Variants in FGF12 observed in about 807,000 individuals in gnomAD.
FGF12 encodes the protein fibroblast growth factor 12.
Under a neutral mutation model 23.6 loss-of-function variants are expected in FGF12, and 14 were observed. The observed-to-expected ratio is 0.59, with a 90% CI of 0.39 to 0.93. FGF12 has a LOEUF of 0.93. Ranked by LOEUF, FGF12 falls within the 40% of genes least tolerant of loss-of-function variation. FGF12 has a pLI of 0.00. For synonymous variants in FGF12, 62 were observed against 77.3 expected, an observed-to-expected ratio of 0.80 and a Z score of 1.04; for missense variants, 175 against 217.8, an observed-to-expected ratio of 0.80 and a Z score of 1.24.
intron 2 of FGF12, among the ~76,000 whole-genome samples, chr3:192,400,660 C>A (rs1056579370): frequency 6.6e-6 from 1 of 152,178 alleles, no homozygotes; most frequent in Non-Finnish European, 1.5e-5. Context: ...AACCACCGCA[C>A]CCCGTCCCCA....
At chr3:192,410,238 G>T (rs139624616) in intron 2 of FGF12, among the ~76,000 whole-genome samples, 1 of 152,272 alleles carries the variant, frequency 6.6e-6, no homozygotes, top group Non-Finnish European at 1.5e-5. Flanking sequence ...GGAGCCCTCC[G>T]CTTCCAGACT....
chr3:192,349,859 GT>G lies in FGF12; in HGVS notation c.124+10568del, dbSNP rs199924850. 1.0e-3 allele frequency among the ~76,000 whole-genome samples: 152 copies of G among 152,154 alleles called. 3 individuals carry two copies. The East Asian group carries it at 0.026, about 26-fold the overall frequency. On this transcript the variant is annotated intron_variant, in intron 3 of 5. Coordinates refer to ENST00000445105, the MANE Select transcript of FGF12 (RefSeq NM_004113.6). Reference sequence around the variant, plus strand: ...CAAAGTCATATTCATTTTTGATGGGGTTGTTCTGTGAATTCACTTTCATTCA... The same window carrying G: ...CAAAGTCATATTCATTTTTGATGGGGTGTTCTGTGAATTCACTTTCATTCA...
At chr3:192,499,376 C>T (rs1377113727) in intron 2 of FGF12, among the ~76,000 whole-genome samples, 4 of 150,770 alleles carry the variant, frequency 2.7e-5, no homozygotes, top group Non-Finnish European at 5.9e-5. Flanking sequence ...ATTCAAAGAT[C>T]CAGCCACTTT....
rs140620016 is a variant in FGF12 at position 192,279,265 on chromosome 3, T to G, written c.228+56096A>C. Among the ~76,000 whole-genome samples, 376 of 148,962 alleles carry G rather than the reference T, an allele frequency of 2.5e-3. 5 individuals carry two copies. Among genetic ancestry groups the G allele is most frequent in the African/African-American group, 9.2e-3 (366 of 39,864 alleles). ...ATATATATATATATAAAATGTACATTCCCATAGAGAACTTTATTTAACCTA... is the reference window on the plus strand; with the variant it reads ...ATATATATATATATAAAATGTACATGCCCATAGAGAACTTTATTTAACCTA... On this transcript the variant is annotated intron_variant, in intron 4 of 5. Coordinates refer to ENST00000445105, the MANE Select transcript of FGF12 (RefSeq NM_004113.6).
At chr3:192,312,265 G>C (rs1715988241) in intron 4 of FGF12, among the ~76,000 whole-genome samples, 1 of 151,974 alleles carries the variant, frequency 6.6e-6, no homozygotes, top group Non-Finnish European at 1.5e-5. Flanking sequence ...TTACTCCTAT[G>C]CTTTCTTCCA....
At chr3:192,227,371 T>C (rs531724543) in intron 4 of FGF12, among the ~76,000 whole-genome samples, 1 of 152,206 alleles carries the variant, frequency 6.6e-6, no homozygotes, top group East Asian at 1.9e-4. Context: ...TTATGAGATA[T>C]CCTTTCCTTT....
At chr3:192,714,513 A>ATTTTTTTTTTTTTTTTTTTTTTTTTTTTT (rs770781442) in intron 2 of FGF12, among the ~76,000 whole-genome samples, 1 of 99,754 alleles carries the variant, frequency 1.0e-5, no homozygotes, top group East Asian at 3.2e-4. Flanking sequence ...TAAGGAAATA[A>ATTTTTTTTTTTTTTTTTTTTTTTTTTTTT]TTTTTTTTTT....
intron 4 of FGF12, among the ~76,000 whole-genome samples, chr3:192,287,779 AT>A (rs779219778): frequency 2.0e-5 from 3 of 152,060 alleles, no homozygotes; most frequent in Non-Finnish European, 4.4e-5. Context: ...CATCTGGATC[AT>A]TTGCTTTTGA....
At chr3:192,279,916 A>G (rs777973106) in intron 4 of FGF12, among the ~76,000 whole-genome samples, 1 of 152,226 alleles carries the variant, frequency 6.6e-6, no homozygotes, top group Non-Finnish European at 1.5e-5. Flanking sequence ...GCTAATGCAT[A>G]TTAAATTATG....
intron 2 of FGF12, among the ~76,000 whole-genome samples, chr3:192,461,404 C>G (rs539324102): frequency 6.6e-6 from 1 of 152,082 alleles, no homozygotes. Context: ...AGAACATACC[C>G]AAATTAGGTT....
chr3:192,486,459 T>C (rs1313148518), intron 2 of FGF12, among the ~76,000 whole-genome samples: 2 of 151,998 alleles, frequency 1.3e-5, no homozygotes, highest in Non-Finnish European at 2.9e-5. Flanking sequence ...ATGAGCCATG[T>C]AAAAACAAAG....
intron 2 of FGF12, among the ~76,000 whole-genome samples, chr3:192,559,235 C>T (rs1711912885): frequency 6.6e-6 from 1 of 151,902 alleles, no homozygotes; most frequent in South Asian, 2.1e-4. Context: ...TAAAGACCCC[C>T]TTCAACTCAA....
At chr3:192,489,263 C>T (rs1723728717) in intron 2 of FGF12, among the ~76,000 whole-genome samples, 1 of 151,658 alleles carries the variant, frequency 6.6e-6, no homozygotes, top group Admixed American at 6.6e-5. Flanking sequence ...AGTGAGTTTC[C>T]CATCATCAAA....
chr3:192,254,160 C>T (rs929472448), intron 4 of FGF12, among the ~76,000 whole-genome samples: 1 of 151,790 alleles, frequency 6.6e-6, no homozygotes, highest in East Asian at 1.9e-4. Context: ...TATCCTTTGA[C>T]CAATATCTCC....
At chr3:192,317,592 A>T (rs1716296929) in intron 4 of FGF12, among the ~76,000 whole-genome samples, 1 of 152,018 alleles carries the variant, frequency 6.6e-6, no homozygotes, top group African/African-American at 2.4e-5. Flanking sequence ...CAAGATTCAT[A>T]AGGTTCTCAA....
intron 2 of FGF12, among the ~76,000 whole-genome samples, chr3:192,397,648 C>G (rs894264603): frequency 2.0e-5 from 3 of 152,120 alleles, no homozygotes; most frequent in African/African-American, 4.8e-5. Flanking sequence ...ATGAATGAAC[C>G]TTTTCTGTTG....
At position 192,408,549 on chromosome 3, in the gene FGF12, G is replaced by C; in HGVS notation, c.14-48011C>G. Reference sequence around the variant, plus strand: ...CCCCAAGGCGATCGGCGTCCAAGGGGCAGTGGGGAGTTTAGTCACACTGCG... The same window carrying C: ...CCCCAAGGCGATCGGCGTCCAAGGGCCAGTGGGGAGTTTAGTCACACTGCG... On this transcript the variant is annotated intron_variant, in intron 2 of 5. Coordinates refer to ENST00000445105, the MANE Select transcript of FGF12 (RefSeq NM_004113.6). The surrounding 1 kb of genome is among the most constrained non-coding windows in gnomAD (Gnocchi z 7.3). 1 of 1,160,442 alleles carries C rather than the reference G, an allele frequency of 8.6e-7. No homozygotes were observed. Among genetic ancestry groups the C allele is most frequent in the Non-Finnish European group, 1.1e-6 (1 of 939,684 alleles). The allele number at this position is 1,160,442 out of a possible 1,614,324, so 71.9% of individuals were successfully genotyped here. A position where few individuals can be genotyped will look rare whatever the true frequency, so the allele number is the denominator to read the frequency against.
intron 2 of FGF12, among the ~76,000 whole-genome samples, chr3:192,493,456 A>G (rs1436579254): frequency 2.0e-5 from 3 of 152,148 alleles, no homozygotes; most frequent in African/African-American, 7.2e-5. Context: ...TTTTATAGCA[A>G]ATTTTACCAC....
At chr3:192,582,681 T>TA (rs138649791) in intron 2 of FGF12, among the ~76,000 whole-genome samples, 15,981 of 113,614 alleles carry the variant, frequency 0.14, 856 homozygotes, top group African/African-American at 0.19. Flanking sequence ...CCACAGCTAG[T>TA]AAAAAAAAGA....
Sources: allele counts gnomAD v4.1 joint callset (sites outside exome capture counted in the v4.1 genomes callset), GRCh38; gene constraint gnomAD v4.1.1; non-coding constraint Gnocchi (gnomAD v3.1); transcripts MANE v1.5; gene names NCBI Gene and HGNC (gene_info 2026-07-23, HGNC 2026-07-21).